The following FBXL5 variants were observed in gnomAD, a reference collection of about 807,000 sequenced individuals.
The protein encoded by FBXL5 is F-box/LRR-repeat protein 5.
Under a neutral mutation model 78.3 loss-of-function variants are expected in FBXL5, and 26 were observed. That is an observed-to-expected ratio of 0.33 (90% CI 0.24 to 0.46). The LOEUF is 0.46. Ranked by LOEUF, FBXL5 falls within the 20% of genes least tolerant of loss-of-function variation. The pLI is 1.00. For synonymous variants in FBXL5, 295 were observed against 282.5 expected (o/e 1.04, Z -0.45); for missense variants, 710 against 829.2 (o/e 0.86, Z 1.77).
chr4:15,653,305 C>G (rs767811242), intron 1 of FBXL5, among the ~76,000 whole-genome samples: 2 of 152,084 alleles, frequency 1.3e-5, no homozygotes, highest in Admixed American at 6.6e-5. Flanking sequence ...AGACTCTTGG[C>G]TCAGATATCT....
intron 1 of FBXL5, among the ~76,000 whole-genome samples, chr4:15,670,500 A>C (rs1343866497): frequency 1.3e-5 from 2 of 152,246 alleles, no homozygotes; most frequent in African/African-American, 2.4e-5. Context: ...TTTTACATTT[A>C]AAGTGTGTGC....
At chr4:15,636,709 G>A (rs906538034) in intron 4 of FBXL5, 33 bp from the exon 5 acceptor site, 3 of 1,449,512 alleles carry the variant, frequency 2.1e-6, no homozygotes, top group African/African-American at 3.2e-5. Flanking sequence ...TACCAGTAAA[G>A]GCTAAAGAGC....
intron 9 of FBXL5, 138 bp from the exon 10 acceptor site, chr4:15,612,552 T>C (rs1407996057): frequency 2.8e-6 from 2 of 726,204 alleles, no homozygotes; most frequent in African/African-American, 1.9e-5. Flanking sequence ...AAAACACTGA[T>C]AACTAACCTC....
intron 9 of FBXL5, among the ~76,000 whole-genome samples, chr4:15,621,795 A>G (rs10017222): frequency 1.3e-5 from 2 of 151,946 alleles, no homozygotes; most frequent in Non-Finnish European, 2.9e-5. Flanking sequence ...ATGGTTTCAA[A>G]CTAACTAAAA....
intron 3 of FBXL5, 115 bp from the exon 4 acceptor site, chr4:15,638,809 GAT>G (rs1714536100): frequency 3.1e-6 from 2 of 637,180 alleles, no homozygotes; most frequent in South Asian, 2.6e-5. Flanking sequence ...ATCTCAAAAA[GAT>G]AAAAATTTTA....
rs1302852483 is a variant in FBXL5, at chr4:15,625,251, C to A, written c.1850+1G>T. On this transcript the variant is annotated splice_donor_variant, in intron 9 of 10. Coordinates refer to ENST00000341285, the MANE Select transcript of FBXL5 (RefSeq NM_012161.4). LOFTEE classifies it high-confidence loss of function. ...TTAATATTCTGGAACTGATAACTCA[C>A]CTGAGACCATGGTCTGTGATCTGAT... 6.2e-7 allele frequency: 1 copy of A among 1,601,318 alleles called. No individual in the cohort carries two copies. The highest frequency in any genetic ancestry group is 8.5e-7 in the Non-Finnish European group (1 of 1,173,924).
rs890339929 is a variant in FBXL5, at chr4:15,655,354, G to A, written c.-67C>T. The stretch of plus-strand genomic sequence containing the variant: ...CCTCTCCATAGACACCCTCGCCGCG[G>A]GGCAGAGGCGGCGCGCCCCCTTGCG... On this transcript the variant is annotated 5_prime_UTR_variant, in exon 1 of 11. Transcript: ENST00000341285. The A allele has an allele frequency of 8.9e-5, 107 of 1,206,792 alleles. No homozygotes were observed. The Admixed American group carries it at 2.8e-3, about 32-fold the overall frequency. 74.8% of individuals were successfully genotyped at this position (1,206,792 alleles called of 1,614,324 possible). A position where few individuals can be genotyped will look rare whatever the true frequency, so the allele number is the denominator to read the frequency against.
At chr4:15,657,255 AATGAGCTCC>A (rs1717034315), upstream of FBXL5, among the ~76,000 whole-genome samples, 1 of 152,324 alleles carries the variant, frequency 6.6e-6, no homozygotes, top group South Asian at 2.1e-4. Flanking sequence ...TATATAGAGA[AATGAGCTCC>A]ATGAGAACAT....
intron 2 of FBXL5, among the ~76,000 whole-genome samples, chr4:15,643,014 T>C (rs1246012207): frequency 6.6e-6 from 1 of 152,194 alleles, no homozygotes; most frequent in Non-Finnish European, 1.5e-5. Flanking sequence ...TTATTTCTAC[T>C]AGTCATGACT....
chr4:15,677,347 T>C (rs1438539178), intron 1 of FBXL5, among the ~76,000 whole-genome samples: 1 of 152,220 alleles, frequency 6.6e-6, no homozygotes, highest in Non-Finnish European at 1.5e-5. Context: ...AGGAGGTGTC[T>C]TTTATACTTC....
At chr4:15,635,059 C>A (rs1433070182) in intron 5 of FBXL5, among the ~76,000 whole-genome samples, 1 of 152,078 alleles carries the variant, frequency 6.6e-6, no homozygotes, top group Non-Finnish European at 1.5e-5. Context: ...TGGCCGGGCA[C>A]GGTGGCTCAA....
chr4:15,667,371 C>T (rs1362554350), intron 1 of FBXL5, among the ~76,000 whole-genome samples: 3 of 152,132 alleles, frequency 2.0e-5, no homozygotes, highest in Non-Finnish European at 4.4e-5. Context: ...TTAGGAGTTA[C>T]ATACCAAGTT....
upstream of FBXL5, among the ~76,000 whole-genome samples, chr4:15,658,083 C>T (rs368102111): frequency 1.3e-5 from 2 of 152,292 alleles, no homozygotes; most frequent in African/African-American, 4.8e-5. Flanking sequence ...CAATAGGCCT[C>T]TTCTATAGTA....
chr4:15,633,451 C>T (rs1186819746), intron 5 of FBXL5, among the ~76,000 whole-genome samples: 1 of 152,106 alleles, frequency 6.6e-6, no homozygotes, highest in Non-Finnish European at 1.5e-5. Flanking sequence ...CTGTAGTCAA[C>T]CAGTCAGCAG....
chr4:15,634,973 G>A (rs13328011), intron 5 of FBXL5, among the ~76,000 whole-genome samples: 4 of 151,844 alleles, frequency 2.6e-5, no homozygotes, highest in Non-Finnish European at 5.9e-5. Context: ...TTATTTAGAC[G>A]ATATAAGTCT....
chr4:15,638,736 G>T (rs371952494), intron 3 of FBXL5, 42 bp from the exon 4 acceptor site: 56 of 1,273,174 alleles, frequency 4.4e-5, no homozygotes, highest in Non-Finnish European at 8.8e-6. Flanking sequence ...TGCTTCATTC[G>T]TGTTGATTTA....
rs762167354 is a variant in FBXL5, at chr4:15,630,628, A to G, written c.892+38T>C. ...ATAAGTACTTAATTATCAATTATTA[A>G]AACACTATGTAATAATTTTAATTCC... On this transcript the variant is annotated intron_variant, in intron 6 of 10. Coordinates refer to ENST00000341285, the MANE Select transcript of FBXL5 (RefSeq NM_012161.4). The G allele has an allele frequency of 9.4e-6, 14 of 1,489,350 alleles. No homozygotes were observed. In the East Asian group the frequency reaches 3.3e-4, roughly 35 times the overall value. The allele number at this position is 1,489,350 out of a possible 1,614,324, so 92.3% of individuals were successfully genotyped here. A position where few individuals can be genotyped will look rare whatever the true frequency, so the allele number is the denominator to read the frequency against.
upstream of FBXL5, among the ~76,000 whole-genome samples, chr4:15,655,625 T>C (rs565995632): frequency 9.2e-5 from 14 of 152,284 alleles, no homozygotes; most frequent in South Asian, 2.7e-3. Context: ...TAGGGGAAAG[T>C]CGTTGCAGTG....
At position 15,665,583 on chromosome 4, in the gene FBXL5, C is replaced by T. The variant is rs1717506620; in HGVS notation, c.-283-5661G>A. ...ATAACCCAAGTTTATATTTGTTTCACTCTTTCCCACTCTTCTTCCCAACTC... is the reference window on the plus strand; with the variant it reads ...ATAACCCAAGTTTATATTTGTTTCATTCTTTCCCACTCTTCTTCCCAACTC... On this transcript the variant is annotated intron_variant, in intron 1 of 4. Transcript: ENST00000507899. 2.0e-5 allele frequency among the ~76,000 whole-genome samples: 3 copies of T among 152,176 alleles called. No individual in the cohort carries two copies. The South Asian group carries it at 6.2e-4, about 32-fold the overall frequency.
Sources: allele counts gnomAD v4.1 joint callset (sites outside exome capture counted in the v4.1 genomes callset), GRCh38; gene constraint gnomAD v4.1.1; transcripts MANE v1.5; gene names NCBI Gene and HGNC (gene_info 2026-07-23, HGNC 2026-07-21).